The following PLCB1 variants were observed in gnomAD, a reference collection of about 807,000 sequenced individuals.
PLCB1 encodes phospholipase C beta 1.
A neutral mutation model predicts 161.8 loss-of-function variants in PLCB1; 46 were observed. The ratio of observed to expected loss-of-function variants is 0.28; its 90% CI spans 0.22 to 0.36. The LOEUF is 0.36. Among genes scored for constraint, PLCB1 ranks in the 10% least tolerant of loss-of-function variants. The pLI is 1.00. For missense variants in PLCB1, 1,016 were observed against 1,472.5 expected (o/e 0.69, Z 5.07); for synonymous variants, 517 against 503.7 (o/e 1.03, Z -0.35).
At chr20:8,693,609 T>C (rs1476466532) in intron 10 of PLCB1, among the ~76,000 whole-genome samples, 1 of 152,182 alleles carries the variant, frequency 6.6e-6, no homozygotes, top group Non-Finnish European at 1.5e-5. Context: ...TTAACAAATA[T>C]ATCACATTCT....
chr20:8,793,595 G>A (rs969553169), intron 31 of PLCB1, among the ~76,000 whole-genome samples: 4 of 152,152 alleles, frequency 2.6e-5, no homozygotes, highest in African/African-American at 7.2e-5. Flanking sequence ...TTTCAAAAGC[G>A]GAGGGAGTGT....
intron 18 of PLCB1, among the ~76,000 whole-genome samples, chr20:8,732,455 T>A (rs1776891918): frequency 6.6e-6 from 1 of 151,486 alleles, no homozygotes; most frequent in Non-Finnish European, 1.5e-5. Context: ...TATCAAAACA[T>A]TATAAGGGTG....
At chr20:8,653,153 G>T (rs1989365538) in intron 7 of PLCB1, 1 of 152,000 alleles carries the variant, frequency 6.6e-6, no homozygotes, top group African/African-American at 2.4e-5. Context: ...AGAAGATCAG[G>T]AATAAACCCA....
chr20:8,611,102 A>G lies in PLCB1; in HGVS notation c.247-17192A>G, dbSNP rs1987892801. The stretch of plus-strand genomic sequence containing the variant: ...AATTTATACTTAAAATTTTACTTTT[A>G]TTTATTTTACTTTTTATTTATAGAA... On this transcript the variant is annotated intron_variant, in intron 3 of 31. Coordinates refer to ENST00000338037, the MANE Select transcript of PLCB1 (RefSeq NM_015192.4). 4.6e-5 allele frequency among the ~76,000 whole-genome samples: 7 copies of G among 151,954 alleles called. 1 individual carries two copies. The highest frequency in any genetic ancestry group is 4.6e-4 in the Admixed American group (7 of 15,252).
chr20:8,385,134 G>T (rs1016320727), intron 3 of PLCB1, among the ~76,000 whole-genome samples: 1 of 152,198 alleles, frequency 6.6e-6, no homozygotes, highest in African/African-American at 2.4e-5. Context: ...CAGGATGAAA[G>T]GCTAAGTCTA....
chr20:8,757,249 G>T (rs923827687), intron 24 of PLCB1, 71 bp downstream of exon 24: 1 of 1,457,300 alleles, frequency 6.9e-7, no homozygotes, highest in South Asian at 1.4e-5. Flanking sequence ...TGACGGAGGC[G>T]CTGTGATGTG....
chr20:8,132,558 A>G lies in PLCB1; in HGVS notation c.-94A>G. ...GCAGAGTCGAGCGCCTCCGGAGCAG[A>G]GAAAGGAGCCCGCGCCCCGCGCCCC... On this transcript the variant is annotated 5_prime_UTR_variant, in exon 1 of 32. Transcript: ENST00000338037. This position sits in a 1 kb window ranked among gnomAD's most constrained non-coding sequence, Gnocchi z 5.2. The G allele has an allele frequency of 1.3e-6, 1 of 748,114 alleles. No individual in the cohort carries two copies. The allele number at this position is 748,114 out of a possible 1,614,324, so 46.3% of individuals were successfully genotyped here. A position where few individuals can be genotyped will look rare whatever the true frequency, so the allele number is the denominator to read the frequency against.
intron 31 of PLCB1, among the ~76,000 whole-genome samples, chr20:8,854,756 C>A (rs1157093410): frequency 6.6e-6 from 1 of 152,234 alleles, no homozygotes; most frequent in African/African-American, 2.4e-5. Context: ...CGTCTCCACG[C>A]TGGCGAACGA....
intron 2 of PLCB1, among the ~76,000 whole-genome samples, chr20:8,203,095 G>GCA (rs779443017): frequency 7.5e-6 from 1 of 133,766 alleles, no homozygotes; most frequent in African/African-American, 3.3e-5. Context: ...GCACACACAC[G>GCA]CGCACACACA....
At chr20:8,467,671 A>T (rs1981878272) in intron 3 of PLCB1, among the ~76,000 whole-genome samples, 1 of 152,110 alleles carries the variant, frequency 6.6e-6, no homozygotes, top group Non-Finnish European at 1.5e-5. Context: ...TCTGTACTTT[A>T]TTTCTATAAT....
At chr20:8,450,659 G>A (rs970776335) in intron 3 of PLCB1, among the ~76,000 whole-genome samples, 1 of 152,132 alleles carries the variant, frequency 6.6e-6, no homozygotes, top group East Asian at 1.9e-4. Context: ...TGTAATGAAA[G>A]CATGATCTCT....
chr20:8,737,275 T>C lies in PLCB1; in HGVS notation c.2208+83T>C, dbSNP rs144488526. On this transcript the variant is annotated intron_variant, in intron 20 of 31. Coordinates refer to ENST00000338037, the MANE Select transcript of PLCB1 (RefSeq NM_015192.4). ...AGAAAATAATGAAATGGTGAATTATTTGTTATTTAATTTGAAAATTTACAC... is the reference window on the plus strand; with the variant it reads ...AGAAAATAATGAAATGGTGAATTATCTGTTATTTAATTTGAAAATTTACAC... 204 of 1,175,722 alleles carry C rather than the reference T, an allele frequency of 1.7e-4. No homozygotes were observed. In the East Asian group the frequency reaches 4.8e-3, roughly 28 times the overall value. The allele number at this position is 1,175,722 out of a possible 1,614,324, so 72.8% of individuals were successfully genotyped here. A position where few individuals can be genotyped will look rare whatever the true frequency, so the allele number is the denominator to read the frequency against.
rs1568499443 is a variant in PLCB1, at chr20:8,539,641, T to TTCC, written c.247-88652_247-88651insCCT. Reference sequence around the variant, plus strand: ...TTTTCTTTCTTTCTTTCTTTCTTTCTTTCTTTCTTTCTTTCTTTCTTTCTT... The same window carrying TTCC: ...TTTTCTTTCTTTCTTTCTTTCTTTCTTCCTTCTTTCTTTCTTTCTTTCTTTCTT... On this transcript the variant is annotated intron_variant, in intron 3 of 31. Coordinates refer to ENST00000338037, the MANE Select transcript of PLCB1 (RefSeq NM_015192.4). Among the ~76,000 whole-genome samples, 3 of 51,150 alleles carry TTCC rather than the reference T, an allele frequency of 5.9e-5. No homozygotes were observed. The Admixed American group carries it at 6.9e-4, about 12-fold the overall frequency. The allele number at this position is 51,150 out of a possible 152,430, so 33.6% of individuals were successfully genotyped here.
chr20:8,629,422 T>A (rs1241858799), intron 4 of PLCB1, among the ~76,000 whole-genome samples: 2 of 152,216 alleles, frequency 1.3e-5, no homozygotes, highest in African/African-American at 4.8e-5. Flanking sequence ...GCTGTGAACA[T>A]CTAGGACCCC....
chr20:8,444,117 G>T (rs868697293), intron 3 of PLCB1, among the ~76,000 whole-genome samples: 1 of 151,802 alleles, frequency 6.6e-6, no homozygotes, highest in Non-Finnish European at 1.5e-5. Flanking sequence ...GTATACATGT[G>T]CCATGTTGGT....
Position 8,321,335 on chromosome 20 carries a change from G to A in PLCB1, c.178-50047G>A, listed in dbSNP as rs541795963. On this transcript the variant is annotated intron_variant, in intron 2 of 31. Coordinates refer to ENST00000338037, the MANE Select transcript of PLCB1 (RefSeq NM_015192.4). ...CAGCCCTTTTGCTGTTTCCTAATTGGTATTCATCATACCTCTTATTGTTGT... is the reference window on the plus strand; with the variant it reads ...CAGCCCTTTTGCTGTTTCCTAATTGATATTCATCATACCTCTTATTGTTGT... Among the ~76,000 whole-genome samples, 18 of 152,148 alleles carry A rather than the reference G, an allele frequency of 1.2e-4. No individual in the cohort carries two copies. The South Asian group carries it at 3.3e-3, about 28-fold the overall frequency.
intron 23 of PLCB1, among the ~76,000 whole-genome samples, chr20:8,744,093 G>C (rs548723180): frequency 6.6e-6 from 1 of 152,038 alleles, no homozygotes; most frequent in African/African-American, 2.4e-5. Flanking sequence ...GAGTGGCAAA[G>C]TTATCTGAAT....
intron 18 of PLCB1, among the ~76,000 whole-genome samples, chr20:8,731,898 T>C (rs2123497427): frequency 6.6e-6 from 1 of 152,124 alleles, no homozygotes; most frequent in South Asian, 2.1e-4. Context: ...AAAATTTCAC[T>C]GATTTTTTTC....
intron 3 of PLCB1, among the ~76,000 whole-genome samples, chr20:8,586,268 G>A (rs904726081): frequency 1.3e-5 from 2 of 152,038 alleles, no homozygotes; most frequent in African/African-American, 4.8e-5. Context: ...ACTTATTCCT[G>A]TCACAGACCT....
Sources: gnomAD v4.1 joint callset for allele counts (sites outside exome capture counted in the v4.1 genomes callset) on GRCh38, gnomAD v4.1.1 for gene constraint, Gnocchi (gnomAD v3.1) non-coding constraint, MANE v1.5 for transcripts, NCBI Gene and HGNC (gene_info 2026-07-23, HGNC 2026-07-21) for gene names.